Variants in PTGER3 observed in about 807,000 individuals in gnomAD.
The protein encoded by PTGER3 is prostaglandin E2 receptor EP3 subtype.
PTGER3 carries 22 observed loss-of-function variants against 34.7 expected under a neutral mutation model. The ratio of observed to expected loss-of-function variants is 0.63; its 90% CI spans 0.45 to 0.91. The LOEUF (loss-of-function observed/expected upper bound fraction) is 0.91, where lower values mean the gene tolerates loss of function less well. PTGER3 is among the 40% of genes least tolerant of loss of function. The probability of loss-of-function intolerance (pLI) is 0.00; values close to 1 mark genes in which losing one functional copy is unlikely to be tolerated. For missense variants in PTGER3, 468 were observed against 519.4 expected (o/e 0.90, Z 0.96); for synonymous variants, 241 against 230.1 (o/e 1.05, Z -0.43).
chr1:70,955,650 A>C (rs1386858814), intron 2 of PTGER3, among the ~76,000 whole-genome samples: 1 of 152,166 alleles, frequency 6.6e-6, no homozygotes, highest in Non-Finnish European at 1.5e-5. Context: ...GGAGTTATCC[A>C]TCCTGCCCTT....
chr1:70,882,553 A>G (rs1269802739), intron 4 of PTGER3, among the ~76,000 whole-genome samples: 1 of 152,204 alleles, frequency 6.6e-6, no homozygotes, highest in South Asian at 2.1e-4. Context: ...TATTGGAGCT[A>G]TGGTGACAGT....
chr1:70,891,583 T>G (rs1042957101), intron 4 of PTGER3, among the ~76,000 whole-genome samples: 1 of 152,240 alleles, frequency 6.6e-6, no homozygotes, highest in Non-Finnish European at 1.5e-5. Flanking sequence ...TGATCTTTAC[T>G]GCTGCCCCAA....
intron 4 of PTGER3, among the ~76,000 whole-genome samples, chr1:70,872,746 G>A (rs34247575): frequency 0.03 from 4,606 of 152,250 alleles, 200 homozygotes; most frequent in East Asian, 0.22. Context: ...TGCTAGAGTG[G>A]TAGAGAATTC....
intron 1 of PTGER3, among the ~76,000 whole-genome samples, chr1:71,036,139 G>C (rs1426687272): frequency 1.3e-5 from 2 of 152,152 alleles, no homozygotes; most frequent in African/African-American, 4.8e-5. Context: ...CTTTACACAG[G>C]GGAAATTGTG....
chr1:71,032,155 G>T (rs1339182213), intron 1 of PTGER3, among the ~76,000 whole-genome samples: 1 of 152,086 alleles, frequency 6.6e-6, no homozygotes, highest in African/African-American at 2.4e-5. Context: ...AATCAAGAAA[G>T]AACTTCTTTT....
intron 2 of PTGER3, among the ~76,000 whole-genome samples, chr1:71,005,465 C>T (rs1200676014): frequency 2.6e-5 from 4 of 152,206 alleles, no homozygotes; most frequent in African/African-American, 4.8e-5. Flanking sequence ...GTTAGCATCA[C>T]GTTTCCATGT....
intron 4 of PTGER3, among the ~76,000 whole-genome samples, chr1:70,912,300 A>G (rs1406675000): frequency 6.6e-6 from 1 of 152,066 alleles, no homozygotes; most frequent in Non-Finnish European, 1.5e-5. Flanking sequence ...AGCAAAATAG[A>G]GAATGTTTCT....
intron 4 of PTGER3, among the ~76,000 whole-genome samples, chr1:70,888,451 T>G (rs2100257987): frequency 6.6e-6 from 1 of 152,304 alleles, no homozygotes; most frequent in South Asian, 2.1e-4. Context: ...AGTAAAATAA[T>G]TACTACATTC....
intron 4 of PTGER3, among the ~76,000 whole-genome samples, chr1:70,916,130 A>C (rs1647170674): frequency 6.6e-6 from 1 of 152,124 alleles, no homozygotes; most frequent in Non-Finnish European, 1.5e-5. Context: ...AACATATGAA[A>C]AAATGCTTAC....
chr1:70,887,861 A>G (rs1329596286), intron 4 of PTGER3, among the ~76,000 whole-genome samples: 2 of 151,370 alleles, frequency 1.3e-5, no homozygotes, highest in Non-Finnish European at 2.9e-5. Context: ...AGCAAAGAGT[A>G]GAAACATATT....
intron 3 of PTGER3, among the ~76,000 whole-genome samples, chr1:70,973,120 ACG>A (rs1653267274): frequency 1.0e-5 from 1 of 98,038 alleles, no homozygotes; most frequent in Non-Finnish European, 2.1e-5. Flanking sequence ...CCCAGTGTGC[ACG>A]TGTGTGTGTG....
chr1:71,044,439 C>CA (rs533359070), intron 1 of PTGER3, among the ~76,000 whole-genome samples: 16,398 of 109,100 alleles, frequency 0.15, 1,172 homozygotes, highest in Middle Eastern at 0.23. Flanking sequence ...GACAGAGTCT[C>CA]AAAAAAAAAA....
rs866197984 is a variant in PTGER3 at position 70,896,819 on chromosome 1, A to G, written c.*24-43960T>C. On this transcript the variant is annotated intron_variant, in intron 4 of 4. Transcript: ENST00000370931. Reference sequence around the variant, plus strand: ...TGTTCCTCCAGGACTGGAGCTTTTCAGACTCTCCTTGACATAGCAGAGTAC... The same window carrying G: ...TGTTCCTCCAGGACTGGAGCTTTTCGGACTCTCCTTGACATAGCAGAGTAC... Among the ~76,000 whole-genome samples, 5 of 152,272 alleles carry G rather than the reference A, an allele frequency of 3.3e-5. No individual in the cohort carries two copies. In the Middle Eastern group the frequency reaches 0.014, roughly 414 times the overall value.
At chr1:70,894,941 A>G (rs1296357826) in intron 4 of PTGER3, among the ~76,000 whole-genome samples, 1 of 152,200 alleles carries the variant, frequency 6.6e-6, no homozygotes, top group African/African-American at 2.4e-5. Context: ...CTTTCTTAGC[A>G]TTCCCTTAGT....
At chr1:70,989,101 G>A (rs1655196642) in intron 2 of PTGER3, among the ~76,000 whole-genome samples, 1 of 152,044 alleles carries the variant, frequency 6.6e-6, no homozygotes, top group Admixed American at 6.6e-5. Context: ...TCATACTACT[G>A]TGTAATAAAA....
chr1:70,985,335 C>T (rs758235148), intron 2 of PTGER3, among the ~76,000 whole-genome samples: 30 of 152,112 alleles, frequency 2.0e-4, no homozygotes, highest in Non-Finnish European at 4.1e-4. Context: ...CTGAAGTCTC[C>T]CTGGGGCTTA....
At chr1:70,965,274 G>GA (rs200324687) in intron 2 of PTGER3, among the ~76,000 whole-genome samples, 1,766 of 151,584 alleles carry the variant, frequency 0.012, 32 homozygotes, top group African/African-American at 0.041. Context: ...GTTTAAAAAA[G>GA]AAAAAAAAGC....
At chr1:70,928,797 G>C (rs11576593) in intron 4 of PTGER3, among the ~76,000 whole-genome samples, 43,851 of 151,546 alleles carry the variant, frequency 0.29, 7,234 homozygotes, top group African/African-American at 0.46. Context: ...TTAAAAACAA[G>C]TACACAATAG....
intron 4 of PTGER3, among the ~76,000 whole-genome samples, chr1:70,913,854 A>G (rs1203921846): frequency 6.6e-6 from 1 of 151,764 alleles, no homozygotes; most frequent in Non-Finnish European, 1.5e-5. Flanking sequence ...TGCTTTATAT[A>G]TATTATTGGA....
Sources: allele counts gnomAD v4.1 joint callset (sites outside exome capture counted in the v4.1 genomes callset), GRCh38; gene constraint gnomAD v4.1.1; transcripts MANE v1.5; gene names NCBI Gene and HGNC (gene_info 2026-07-23, HGNC 2026-07-21).